The following CEP112 variants were observed in gnomAD, a reference collection of about 807,000 sequenced individuals.
CEP112 encodes centrosomal protein 112.
CEP112 carries 127 observed loss-of-function variants against 153.0 expected under a neutral mutation model. The observed-to-expected ratio is 0.83, with a 90% CI of 0.72 to 0.96. The LOEUF (loss-of-function observed/expected upper bound fraction) is 0.96, where lower values mean the gene tolerates loss of function less well. Ranked by LOEUF, CEP112 falls within the 40% of genes least tolerant of loss-of-function variation. CEP112 has a pLI of 0.00. For synonymous variants in CEP112, 358 were observed against 374.4 expected (o/e 0.96, Z 0.51); for missense variants, 1,089 against 1,101.2 (o/e 0.99, Z 0.16).
At chr17:66,020,021 C>T (rs1287560221) in intron 16 of CEP112, among the ~76,000 whole-genome samples, 4 of 152,174 alleles carry the variant, frequency 2.6e-5, no homozygotes, top group Non-Finnish European at 5.9e-5. Flanking sequence ...GATAGGAATA[C>T]CTTATTTTAC....
chr17:65,773,281 G>C (rs900856669), intron 21 of CEP112, among the ~76,000 whole-genome samples: 1 of 152,086 alleles, frequency 6.6e-6, no homozygotes, highest in Non-Finnish European at 1.5e-5. Flanking sequence ...CTTCATTTTC[G>C]TTTCCTTATT....
At chr17:66,115,922 T>C (rs1050451440) in intron 6 of CEP112, among the ~76,000 whole-genome samples, 2 of 152,224 alleles carry the variant, frequency 1.3e-5, no homozygotes, top group South Asian at 2.1e-4. Context: ...GTCTGTTGGC[T>C]ATGCCAGTGT....
chr17:65,983,960 TA>T (rs1470798673), intron 17 of CEP112, among the ~76,000 whole-genome samples: 1 of 152,220 alleles, frequency 6.6e-6, no homozygotes, highest in Non-Finnish European at 1.5e-5. Context: ...AGTTTTACTA[TA>T]TTTTTCACAC....
intron 19 of CEP112, among the ~76,000 whole-genome samples, chr17:65,905,335 C>T (rs1355228050): frequency 6.6e-6 from 1 of 152,046 alleles, no homozygotes; most frequent in Middle Eastern, 3.2e-3. Flanking sequence ...ATGCAGACAA[C>T]AAACATATGG....
At chr17:66,067,750 A>T (rs951714804) in intron 9 of CEP112, among the ~76,000 whole-genome samples, 5 of 152,236 alleles carry the variant, frequency 3.3e-5, no homozygotes, top group African/African-American at 1.2e-4. Context: ...GACAGTATAA[A>T]TAATAATTTC....
chr17:66,056,378 TA>T (rs2066687544), intron 11 of CEP112, among the ~76,000 whole-genome samples: 1 of 152,174 alleles, frequency 6.6e-6, no homozygotes, highest in African/African-American at 2.4e-5. Flanking sequence ...AGTTACCACA[TA>T]ACCCAGGAAT....
intron 21 of CEP112, among the ~76,000 whole-genome samples, chr17:65,820,650 T>A (rs1421635609): frequency 6.6e-6 from 1 of 152,120 alleles, no homozygotes; most frequent in Non-Finnish European, 1.5e-5. Context: ...TTCTGATAAT[T>A]TCTTATTCTC....
chr17:65,641,066 C>G lies in CEP112; in HGVS notation c.2698-1G>C, dbSNP rs778972284. 9 of 1,526,612 alleles carry G rather than the reference C, an allele frequency of 5.9e-6. No homozygotes were observed. The East Asian group carries it at 1.6e-4, about 27-fold the overall frequency. The allele number at this position is 1,526,612 out of a possible 1,614,324, so 94.6% of individuals were successfully genotyped here. On this transcript the variant is annotated splice_acceptor_variant, in intron 24 of 26. Coordinates refer to ENST00000535342, the MANE Select transcript of CEP112 (RefSeq NM_001199165.4). LOFTEE classifies it high-confidence loss of function. ...CATATTCTTGTCGTATGTAAGTTAT[C>G]TAAATTGGAAAAAAATTAAGAGTTA...
intron 23 of CEP112, among the ~76,000 whole-genome samples, chr17:65,734,432 A>G (rs2050684437): frequency 2.0e-5 from 3 of 152,224 alleles, no homozygotes; most frequent in African/African-American, 4.8e-5. Flanking sequence ...GAGGTTTTGT[A>G]TATGTGGATT....
intron 24 of CEP112, among the ~76,000 whole-genome samples, chr17:65,651,673 C>G (rs2045785164): frequency 6.8e-6 from 1 of 147,896 alleles, no homozygotes; most frequent in African/African-American, 2.5e-5. Flanking sequence ...CTCCTTCCTT[C>G]CTTCCTTCCT....
intron 19 of CEP112, among the ~76,000 whole-genome samples, chr17:65,922,259 T>C (rs1048866227): frequency 2.0e-5 from 3 of 152,122 alleles, no homozygotes; most frequent in Non-Finnish European, 2.9e-5. Context: ...AGGTCACTTA[T>C]TGGGACATTA....
intron 17 of CEP112, among the ~76,000 whole-genome samples, chr17:65,977,573 G>A (rs975568493): frequency 7.2e-5 from 11 of 152,180 alleles, no homozygotes; most frequent in African/African-American, 2.7e-4. Flanking sequence ...AAGGGAAGAT[G>A]GTCCTATGGC....
intron 19 of CEP112, among the ~76,000 whole-genome samples, chr17:65,926,869 A>G (rs1360247733): frequency 6.6e-6 from 1 of 152,184 alleles, no homozygotes; most frequent in East Asian, 1.9e-4. Flanking sequence ...CACCTGGCAC[A>G]TAGTAAGTAC....
intron 21 of CEP112, among the ~76,000 whole-genome samples, chr17:65,827,118 A>G (rs746400034): frequency 6.6e-6 from 1 of 152,168 alleles, no homozygotes; most frequent in Non-Finnish European, 1.5e-5. Context: ...AGAGTCTTGG[A>G]CTTAAACCAC....
At chr17:65,666,772 A>T (rs2046713116) in intron 24 of CEP112, among the ~76,000 whole-genome samples, 1 of 152,040 alleles carries the variant, frequency 6.6e-6, no homozygotes, top group Admixed American at 6.5e-5. Context: ...ATTGATAATT[A>T]AAGAAAAAAA....
intron 17 of CEP112, among the ~76,000 whole-genome samples, chr17:65,995,032 T>G (rs2145305282): frequency 6.6e-6 from 1 of 152,122 alleles, no homozygotes; most frequent in Middle Eastern, 3.4e-3. Flanking sequence ...GTGAGTCCCT[T>G]TGATCTCCAT....
At chr17:66,014,711 C>T (rs1343416217) in intron 16 of CEP112, among the ~76,000 whole-genome samples, 1 of 152,150 alleles carries the variant, frequency 6.6e-6, no homozygotes, top group Non-Finnish European at 1.5e-5. Flanking sequence ...ACATTAGGAG[C>T]CAGGAAGAAG....
At chr17:65,749,389 T>C (rs893510927) in intron 22 of CEP112, among the ~76,000 whole-genome samples, 8 of 151,942 alleles carry the variant, frequency 5.3e-5, no homozygotes, top group African/African-American at 1.7e-4. Context: ...GCACCTGTAG[T>C]CCCAGCTACT....
At chr17:66,041,138 A>G (rs2065959142) in intron 12 of CEP112, among the ~76,000 whole-genome samples, 1 of 151,836 alleles carries the variant, frequency 6.6e-6, no homozygotes, top group South Asian at 2.1e-4. Flanking sequence ...CATTAAAACT[A>G]TTATCCTATA....
Sources: gnomAD v4.1 joint callset for allele counts (sites outside exome capture counted in the v4.1 genomes callset) on GRCh38, gnomAD v4.1.1 for gene constraint, MANE v1.5 for transcripts, NCBI Gene and HGNC (gene_info 2026-07-23, HGNC 2026-07-21) for gene names.